OTOGL: variants seen among roughly 807,000 people sequenced by gnomAD.
OTOGL encodes the protein otogelin like.
Under a neutral mutation model 318.5 loss-of-function variants are expected in OTOGL, and 285 were observed. The ratio of observed to expected loss-of-function variants is 0.89; its 90% CI spans 0.81 to 0.99. The LOEUF (loss-of-function observed/expected upper bound fraction) is 0.99. Ranked by LOEUF, OTOGL falls within the 50% of genes least tolerant of loss-of-function variation. The pLI is 0.00. For synonymous variants in OTOGL, 987 were observed against 936.5 expected, an observed-to-expected ratio of 1.05 and a Z score of -0.99; for missense variants, 2,899 against 2,845.6, an observed-to-expected ratio of 1.02 and a Z score of -0.43.
chr12:80,319,217 G>A (rs146598473), intron 33 of OTOGL, among the ~76,000 whole-genome samples: 58 of 152,206 alleles, frequency 3.8e-4, no homozygotes, highest in African/African-American at 1.3e-3. Flanking sequence ...CCTGAACCTA[G>A]CTCTACATTT....
chr12:80,356,638 G>T, intron 48 of OTOGL, 118 bp downstream of exon 48: 3 of 868,052 alleles, frequency 3.5e-6, no homozygotes, highest in East Asian at 2.9e-5. Flanking sequence ...TTGCGGACTT[G>T]TCTTGCTAAT....
intron 1 of OTOGL, among the ~76,000 whole-genome samples, chr12:80,170,179 GT>G (rs1174132983): frequency 1.9e-4 from 16 of 84,328 alleles, no homozygotes; most frequent in African/African-American, 6.1e-4. Flanking sequence ...TTTGTCAGGG[GT>G]GTGTGTGTGT....
At chr12:80,365,356 A>T (rs1890465846) in intron 52 of OTOGL, among the ~76,000 whole-genome samples, 1 of 152,116 alleles carries the variant, frequency 6.6e-6, no homozygotes, top group East Asian at 1.9e-4. Flanking sequence ...GCAATTAAAG[A>T]GGTATTTCCT....
intron 38 of OTOGL, among the ~76,000 whole-genome samples, chr12:80,333,917 TGTAA>T (rs1466032467): frequency 6.6e-6 from 1 of 152,210 alleles, no homozygotes; most frequent in African/African-American, 2.4e-5. Flanking sequence ...CAAGGAGACC[TGTAA>T]GTAATAAAGG....
intron 52 of OTOGL, among the ~76,000 whole-genome samples, chr12:80,362,907 G>T (rs1381824521): frequency 1.3e-5 from 2 of 151,614 alleles, no homozygotes; most frequent in African/African-American, 4.8e-5. Flanking sequence ...ACTGAAGGAA[G>T]AATGAGATAT....
chr12:80,211,904 G>C, intron 3 of OTOGL, 45 bp from the exon 4 acceptor site: 1 of 1,466,928 alleles, frequency 6.8e-7, no homozygotes, highest in Non-Finnish European at 9.2e-7. Context: ...TGTTCAGGTT[G>C]CCTAGGGGCC....
chr12:80,266,089 T>C (rs1301217040), intron 20 of OTOGL: 1 of 162,626 alleles, frequency 6.1e-6, no homozygotes, highest in Non-Finnish European at 1.3e-5. Context: ...TAAAATTTAT[T>C]GAAATATAGT....
rs141494119 is a variant in OTOGL at position 80,206,386 on chromosome 12, C to T, written c.-19-3027C>T. ...TGTTCTCTTTGCCATTGTTCATTCT[C>T]CTTTTCTAACATTTTTCCTACTATG... On this transcript the variant is annotated intron_variant, in intron 1 of 58. Transcript: ENST00000547103. Among the ~76,000 whole-genome samples the T allele has an allele frequency of 3.2e-3, 485 of 152,284 alleles. 3 individuals are homozygous for T. The highest frequency in any genetic ancestry group is 0.011 in the African/African-American group (455 of 41,570).
chr12:80,136,170 T>C (rs1201937492), intron 1 of OTOGL, among the ~76,000 whole-genome samples: 1 of 152,220 alleles, frequency 6.6e-6, no homozygotes, highest in Non-Finnish European at 1.5e-5. Context: ...ATGTCTGTAC[T>C]CACTATCTTC....
At chr12:80,338,876 A>G (rs1888569158) in intron 42 of OTOGL, among the ~76,000 whole-genome samples, 199 bp from the exon 43 acceptor site, 1 of 152,076 alleles carries the variant, frequency 6.6e-6, no homozygotes, top group African/African-American at 2.4e-5. Flanking sequence ...TAGAACACAT[A>G]TTGACTAGAG....
At chr12:80,182,028 G>A (rs1191381892) in intron 1 of OTOGL, among the ~76,000 whole-genome samples, 1 of 152,070 alleles carries the variant, frequency 6.6e-6, no homozygotes, top group East Asian at 1.9e-4. Context: ...GTAGCCAGGT[G>A]TGGTGGCATA....
chr12:80,308,760 C>G (rs964151792), intron 29 of OTOGL, among the ~76,000 whole-genome samples: 1 of 152,250 alleles, frequency 6.6e-6, no homozygotes, highest in Non-Finnish European at 1.5e-5. Flanking sequence ...CGGTTAGGAG[C>G]TGGAGACCAG....
chr12:80,366,435 G>GGGACTTA, intron 52 of OTOGL, 139 bp from the exon 53 acceptor site: 1 of 456,734 alleles, frequency 2.2e-6, no homozygotes, highest in East Asian at 6.2e-5. Flanking sequence ...TGTGTGATAA[G>GGGACTTA]GGACTTATTA....
intron 51 of OTOGL, 31 bp downstream of exon 51, chr12:80,358,806 T>C: frequency 6.4e-7 from 1 of 1,563,760 alleles, no homozygotes; most frequent in Non-Finnish European, 8.7e-7. Context: ...AAGGTTTCAT[T>C]ATAATAAGTT....
intron 53 of OTOGL, among the ~76,000 whole-genome samples, chr12:80,367,066 T>G (rs1350253682): frequency 6.6e-6 from 1 of 151,644 alleles, no homozygotes; most frequent in Non-Finnish European, 1.5e-5. Flanking sequence ...AGCCTCAAAC[T>G]TCTGGGCTCA....
chr12:80,209,795 AATG>A (rs1485704454), intron 2 of OTOGL, among the ~76,000 whole-genome samples: 1 of 152,056 alleles, frequency 6.6e-6, no homozygotes, highest in Non-Finnish European at 1.5e-5. Flanking sequence ...ATCTTTTTTA[AATG>A]ACTGGTTAAA....
rs764341167 is a variant in OTOGL, at chr12:80,267,391, T to TTA, written c.2465+80_2465+81dup. Reference sequence around the variant, plus strand: ...GTATGTTCTAATATAATTCTTTCTTTTATATATATATATATATTTTTTTAT... The same window carrying TTA: ...GTATGTTCTAATATAATTCTTTCTTTTATATATATATATATATATTTTTTTAT... On this transcript the variant is annotated intron_variant, in intron 22 of 58. Coordinates refer to ENST00000547103, the MANE Select transcript of OTOGL (RefSeq NM_001378609.3). 1.4e-3 allele frequency: 943 copies of TTA among 687,850 alleles called. 5 individuals carry two copies. The highest frequency in any genetic ancestry group is 9.5e-3 in the African/African-American group (477 of 50,160). 42.6% of individuals were successfully genotyped at this position (687,850 alleles called of 1,614,324 possible).
intron 1 of OTOGL, among the ~76,000 whole-genome samples, chr12:80,185,622 C>G (rs1217634576): frequency 6.6e-6 from 1 of 152,046 alleles, no homozygotes; most frequent in East Asian, 1.9e-4. Flanking sequence ...TTTCAGTGTC[C>G]TCATCTGTAA....
intron 5 of OTOGL, 52 bp downstream of exon 5, chr12:80,217,716 G>A: frequency 7.6e-7 from 1 of 1,308,508 alleles, no homozygotes. Context: ...AAATCCCTTT[G>A]GGGGATATAT....
Sources: allele counts gnomAD v4.1 joint callset (sites outside exome capture counted in the v4.1 genomes callset), GRCh38; gene constraint gnomAD v4.1.1; transcripts MANE v1.5; gene names NCBI Gene and HGNC (gene_info 2026-07-23, HGNC 2026-07-21).